The following CKAP5 variants were observed in gnomAD, a reference collection of about 807,000 sequenced individuals.
The protein encoded by CKAP5 is cytoskeleton associated protein 5.
A neutral mutation model predicts 232.8 loss-of-function variants in CKAP5; 27 were observed. The ratio of observed to expected loss-of-function variants is 0.12; its 90% CI spans 0.09 to 0.16. The LOEUF (loss-of-function observed/expected upper bound fraction) is 0.16. Among genes scored for constraint, CKAP5 ranks in the 10% least tolerant of loss-of-function variants. The pLI is 1.00. For missense variants in CKAP5, 1,838 were observed against 2,424.7 expected, an observed-to-expected ratio of 0.76 and a Z score of 5.08; for synonymous variants, 785 against 841.1, an observed-to-expected ratio of 0.93 and a Z score of 1.16.
Position 46,801,669 on chromosome 11 carries a change from C to CA in CKAP5, c.979-366dup, listed in dbSNP as rs1005015545. On this transcript the variant is annotated intron_variant, in intron 8 of 43. Transcript: ENST00000529230. ...TGGGCAACGCAGCAAGACTCCATCT[C>CA]AAAAAAAAAAAAGAACTCTGAAAGC... Among the ~76,000 whole-genome samples the CA allele has an allele frequency of 2.7e-3, 364 of 136,004 alleles. 1 individual carries two copies. Among genetic ancestry groups the CA allele is most frequent in the Middle Eastern group, 3.7e-3 (1 of 270 alleles). 89.2% of individuals were successfully genotyped at this position (136,004 alleles called of 152,430 possible). A position where few individuals can be genotyped will look rare whatever the true frequency, so the allele number is the denominator to read the frequency against.
At chr11:46,800,871 G>C (rs1313259211) in intron 9 of CKAP5, among the ~76,000 whole-genome samples, 1 of 152,030 alleles carries the variant, frequency 6.6e-6, no homozygotes, top group Non-Finnish European at 1.5e-5. Context: ...TACAAGTTTT[G>C]TTTCATCTTG....
In CKAP5 at chr11:46,780,288, C is replaced by G. The variant is rs772848732; in HGVS notation, c.2339G>C (p.Gly780Ala). The change falls in exon 20 of 44, where the codon GGC (glycine) becomes GCC (alanine). Residue 780 changes from glycine (G) to alanine (A), a missense_variant. Gly to Ala is a moderately conservative substitution (Grantham distance 60, BLOSUM62 0). This residue lies in a region of CKAP5 where 767 missense variants were observed against 954.6 expected (regional missense o/e 0.80). Coordinates refer to ENST00000529230, the MANE Select transcript of CKAP5 (RefSeq NM_001008938.4). ...GGGACCAACATACAGATACATCACGCCAAGCAGGGTTATGGCAGCAGTCCT... is the reference window on the plus strand; with the variant it reads ...GGGACCAACATACAGATACATCACGGCAAGCAGGGTTATGGCAGCAGTCCT... The part of the protein sequence containing the change: ...AVRTAAITLL[G>A]VMYLYVGPSL... 6.2e-6 allele frequency: 10 copies of G among 1,614,064 alleles called. No homozygotes were observed. Among genetic ancestry groups the G allele is most frequent in the Non-Finnish European group, 8.5e-6 (10 of 1,179,996 alleles).
In CKAP5 at chr11:46,776,387, A is replaced by C; in HGVS notation, c.2863-4T>G. ...GGGCAGCAGCTCGAACATTGTTCTA[A>C]ATGGAGAAGATAATCAGCAAAAATA... is the stretch of plus-strand genomic sequence containing the variant. On this transcript the variant is annotated splice_region_variant and splice_polypyrimidine_tract_variant and intron_variant, in intron 23 of 43. Coordinates refer to ENST00000529230, the MANE Select transcript of CKAP5 (RefSeq NM_001008938.4). 1 of 1,605,822 alleles carries C rather than the reference A, an allele frequency of 6.2e-7. No homozygotes were observed. Among genetic ancestry groups the C allele is most frequent in the Non-Finnish European group, 8.5e-7 (1 of 1,176,256 alleles).
intron 40 of CKAP5, among the ~76,000 whole-genome samples, 180 bp downstream of exon 40, chr11:46,750,938 T>C (rs1158600334): frequency 1.3e-5 from 2 of 152,182 alleles, no homozygotes; most frequent in Admixed American, 1.3e-4. Context: ...TTATACTTAG[T>C]TTAGATTTTA....
At chr11:46,783,121 C>T in intron 18 of CKAP5, 153 bp downstream of exon 18, 1 of 481,218 alleles carries the variant, frequency 2.1e-6, no homozygotes, top group Non-Finnish European at 3.7e-6. Context: ...CAATATAGAC[C>T]TTTGAGAACA....
chr11:46,752,219 C>CACACACACACAT (rs1555160693), intron 38 of CKAP5, among the ~76,000 whole-genome samples: 1,428 of 85,810 alleles, frequency 0.017, 121 homozygotes, highest in East Asian at 0.092. Flanking sequence ...CACACACACA[C>CACACACACACAT]ACACACACAC....
intron 42 of CKAP5, 35 bp from the exon 43 acceptor site, chr11:46,744,612 T>C (rs755722888): frequency 1.9e-6 from 3 of 1,591,776 alleles, no homozygotes; most frequent in East Asian, 2.2e-5. Flanking sequence ...TATTCAGATA[T>C]CCACATATCC....
rs188126452 is a variant in CKAP5, at chr11:46,785,789, A to T, written c.1969-1116T>A. On this transcript the variant is annotated intron_variant, in intron 16 of 43. Transcript: ENST00000529230. ...GAGGGACCCCAGCTCTACAACAAGT[A>T]CAAAAATTAGTTGGGTATGGTGGCC... Among the ~76,000 whole-genome samples, 550 of 152,302 alleles carry T rather than the reference A, an allele frequency of 3.6e-3. 1 individual carries two copies. Among genetic ancestry groups the T allele is most frequent in the Middle Eastern group, 6.8e-3 (2 of 294 alleles).
intron 5 of CKAP5, 23 bp downstream of exon 5, chr11:46,810,983 CA>C: frequency 6.4e-7 from 1 of 1,557,652 alleles, no homozygotes; most frequent in Non-Finnish European, 8.7e-7. Context: ...TGTGCGAAAG[CA>C]ACCAGAAAAC....
intron 1 of CKAP5, among the ~76,000 whole-genome samples, chr11:46,827,134 G>A (rs1939677238): frequency 6.6e-6 from 1 of 152,180 alleles, no homozygotes. Context: ...AAACAAAGGA[G>A]ATGACCAGTT....
Position 46,796,950 on chromosome 11 carries a change from A to G in CKAP5, c.1339-10T>C. 2.5e-6 allele frequency: 4 copies of G among 1,613,266 alleles called. No homozygotes were observed. The highest frequency in any genetic ancestry group is 3.4e-6 in the Non-Finnish European group (4 of 1,179,612). On this transcript the variant is annotated splice_polypyrimidine_tract_variant and intron_variant, in intron 11 of 43. Coordinates refer to ENST00000529230, the MANE Select transcript of CKAP5 (RefSeq NM_001008938.4). ...CAGAATCATTGATGTGCTATAGTCC[A>G]GAAGTAAGCAAAATGATATTAATGC...
At position 46,811,067 on chromosome 11, in the gene CKAP5, C is replaced by A. The variant is rs773887160; in HGVS notation, c.570G>T (p.Glu190Asp). Residue 190 changes from glutamate (E) to aspartate (D), a missense_variant, in exon 5 of 44, where the codon GAG (glutamate) becomes GAT (aspartate). Physicochemically the swap from Glu to Asp is conservative, Grantham distance 45. This residue lies in a region of CKAP5 where 285 missense variants were observed against 300.0 expected (regional missense o/e 0.95). Coordinates refer to ENST00000529230, the MANE Select transcript of CKAP5 (RefSeq NM_001008938.4). Reference sequence around the variant, plus strand: ...GAGCATCCCGAATCCATCTGTAAATCTCCACAGCAATTAGTTTGGCTTCAT... The same window carrying A: ...GAGCATCCCGAATCCATCTGTAAATATCCACAGCAATTAGTTTGGCTTCAT... ...VRDEAKLIAV[E>D]IYRWIRDALR... The A allele has an allele frequency of 6.2e-7, 1 of 1,614,112 alleles. No homozygotes were observed. Among genetic ancestry groups the A allele is most frequent in the Non-Finnish European group, 8.5e-7 (1 of 1,179,994 alleles).
At chr11:46,782,450 GATA>G (rs2065352418) in intron 18 of CKAP5, among the ~76,000 whole-genome samples, 1 of 152,174 alleles carries the variant, frequency 6.6e-6, no homozygotes, top group Non-Finnish European at 1.5e-5. Context: ...GAACACCACA[GATA>G]ATAACATAAC....
chr11:46,776,579 C>T (rs922270445), intron 23 of CKAP5, among the ~76,000 whole-genome samples, 196 bp from the exon 24 acceptor site: 57 of 152,146 alleles, frequency 3.7e-4, no homozygotes, highest in African/African-American at 1.4e-3. Flanking sequence ...AAATATAAAA[C>T]TCCAAATTGT....
At chr11:46,749,507 A>G (rs1421071370) in intron 42 of CKAP5, among the ~76,000 whole-genome samples, 2 of 151,784 alleles carry the variant, frequency 1.3e-5, no homozygotes, top group Non-Finnish European at 2.9e-5. Flanking sequence ...TGGAGATATC[A>G]TGTAGGATAT....
At chr11:46,751,691 A>C (rs1031143650) in intron 38 of CKAP5, among the ~76,000 whole-genome samples, 157 bp from the exon 39 acceptor site, 2 of 152,070 alleles carry the variant, frequency 1.3e-5, no homozygotes, top group Admixed American at 6.6e-5. Context: ...AAAACATGAA[A>C]ATTTTTAATC....
chr11:46,810,887 T>C, intron 5 of CKAP5, 120 bp downstream of exon 5: 1 of 939,376 alleles, frequency 1.1e-6, no homozygotes. Context: ...TCAGAAAAGC[T>C]GATTTCAAAA....
In CKAP5 at chr11:46,790,481, G is replaced by C. The variant is rs746743560; in HGVS notation, c.1753C>G (p.Pro585Ala). Reference sequence around the variant, plus strand: ...GTGTTAATACTGACCGAGAGCTCAGGCTCCACTATTTCTTTAGTCTCCAGT... The same window carrying C: ...GTGTTAATACTGACCGAGAGCTCAGCCTCCACTATTTCTTTAGTCTCCAGT... ...KGLETKEIVE[P>A]ELSIEVCEEK... The change falls in exon 14 of 44, where the codon CCT becomes GCT. Residue 585 changes from proline to alanine, a missense_variant. By Grantham distance (27) the Pro-to-Ala change is conservative. Around this residue, in one of 6 missense-constraint regions of CKAP5, gnomAD observed 767 missense variants for 954.6 expected, o/e 0.80. Coordinates refer to ENST00000529230, the MANE Select transcript of CKAP5 (RefSeq NM_001008938.4). The C allele has an allele frequency of 4.3e-5, 69 of 1,611,060 alleles. No homozygotes were observed. The highest frequency in any genetic ancestry group is 5.6e-5 in the Non-Finnish European group (66 of 1,177,338).
At chr11:46,776,502 C>A in intron 23 of CKAP5, 119 bp from the exon 24 acceptor site, 1 of 639,478 alleles carries the variant, frequency 1.6e-6, no homozygotes, top group South Asian at 4.2e-5. Context: ...CATGAACATA[C>A]ATGAAACCAT....
Sources: allele counts gnomAD v4.1 joint callset (sites outside exome capture counted in the v4.1 genomes callset), GRCh38; gene constraint gnomAD v4.1.1; regional missense constraint gnomAD v4.1.1; transcripts MANE v1.5; gene names NCBI Gene and HGNC (gene_info 2026-07-23, HGNC 2026-07-21).